The following CCDC148 variants were observed in gnomAD, a reference collection of about 807,000 sequenced individuals.
CCDC148 encodes coiled-coil domain containing 148.
CCDC148 carries 89 observed loss-of-function variants against 85.7 expected under a neutral mutation model. The ratio of observed to expected loss-of-function variants is 1.04; its 90% CI spans 0.87 to 1.24. CCDC148 has a LOEUF of 1.24. Ranked by LOEUF, CCDC148 falls within the 50% of genes most tolerant of loss-of-function variation. The probability of loss-of-function intolerance (pLI) is 0.00; values close to 1 mark genes in which losing one functional copy is unlikely to be tolerated. For missense variants in CCDC148, 692 were observed against 671.7 expected, an observed-to-expected ratio of 1.03 and a Z score of -0.33; for synonymous variants, 230 against 213.9, an observed-to-expected ratio of 1.08 and a Z score of -0.66.
chr2:158,292,898 T>C (rs1362809613), intron 9 of CCDC148, among the ~76,000 whole-genome samples: 1 of 152,172 alleles, frequency 6.6e-6, no homozygotes, highest in Non-Finnish European at 1.5e-5. Context: ...ACAAGATTCC[T>C]CCTATAGCAC....
Position 158,309,524 on chromosome 2 carries a change from AGT to A in CCDC148, c.1017_1018del (p.Leu340HisfsTer2), listed in dbSNP as rs1691868589. On this transcript the variant is annotated frameshift_variant, in exon 9 of 14. Coordinates refer to ENST00000283233, the MANE Select transcript of CCDC148 (RefSeq NM_138803.4). LOFTEE classifies it high-confidence loss of function. The stretch of plus-strand genomic sequence containing the variant: ...TTCATGTGTTGCACAAGCCTCAGTG[AGT>A]GTCAGCACAGCCTTCTGTATAAAGT... 6.2e-7 allele frequency: 1 copy of A among 1,613,924 alleles called. No homozygotes were observed. The highest frequency in any genetic ancestry group is 8.5e-7 in the Non-Finnish European group (1 of 1,179,912).
At chr2:158,298,270 A>G (rs1370719474) in intron 9 of CCDC148, among the ~76,000 whole-genome samples, 1 of 152,158 alleles carries the variant, frequency 6.6e-6, no homozygotes, top group Non-Finnish European at 1.5e-5. Context: ...GTAGGGATAC[A>G]GCCAAACCGT....
intron 10 of CCDC148, among the ~76,000 whole-genome samples, chr2:158,247,419 C>T (rs1424669294): frequency 2.0e-5 from 3 of 152,164 alleles, no homozygotes; most frequent in African/African-American, 7.2e-5. Context: ...CTTCTAGGTA[C>T]ACCCTAGTGA....
intron 11 of CCDC148, among the ~76,000 whole-genome samples, chr2:158,194,323 A>T (rs1278154053): frequency 6.6e-6 from 1 of 152,176 alleles, no homozygotes; most frequent in African/African-American, 2.4e-5. Flanking sequence ...AAGCAATTGT[A>T]ACAAGTTAAT....
intron 9 of CCDC148, among the ~76,000 whole-genome samples, chr2:158,260,132 C>T (rs1207888818): frequency 6.6e-6 from 1 of 151,866 alleles, no homozygotes; most frequent in African/African-American, 2.4e-5. Context: ...AGGGACTTGC[C>T]TTATTCACTA....
chr2:158,293,872 C>G lies in CCDC148; in HGVS notation c.1110+15561G>C, dbSNP rs929254310. On this transcript the variant is annotated intron_variant, in intron 9 of 13. Transcript: ENST00000283233. ...TAGACTGCATTGCTCAGCTTGCAGC[C>G]AGGCATGGCAAGTACAAAGAATGTG... Among the ~76,000 whole-genome samples the G allele has an allele frequency of 2.6e-5, 4 of 151,564 alleles. No homozygotes were observed. In the East Asian group the frequency reaches 5.8e-4, roughly 22 times the overall value.
intron 1 of CCDC148, among the ~76,000 whole-genome samples, chr2:158,377,363 G>A (rs778075064): frequency 6.6e-6 from 1 of 151,672 alleles, no homozygotes. Flanking sequence ...GGCTTTAAAA[G>A]TACCATCAAA....
chr2:158,213,399 T>A (rs1686680538), intron 11 of CCDC148, among the ~76,000 whole-genome samples: 2 of 152,188 alleles, frequency 1.3e-5, no homozygotes, highest in African/African-American at 4.8e-5. Context: ...TTTATTAAAT[T>A]ATAAGAAACA....
At chr2:158,454,924 C>T (rs754098078) in intron 1 of CCDC148, among the ~76,000 whole-genome samples, 7 of 152,110 alleles carry the variant, frequency 4.6e-5, no homozygotes, top group Non-Finnish European at 8.8e-5. Context: ...TTATGACAAA[C>T]ACGAAATCTA....
chr2:158,414,288 A>C (rs1304450594), intron 1 of CCDC148, among the ~76,000 whole-genome samples: 1 of 152,210 alleles, frequency 6.6e-6, no homozygotes, highest in Admixed American at 6.5e-5. Flanking sequence ...AATCTTACCA[A>C]ACCAGAAACA....
chr2:158,325,370 G>A (rs1692721218), intron 7 of CCDC148, among the ~76,000 whole-genome samples: 1 of 152,086 alleles, frequency 6.6e-6, no homozygotes, highest in Non-Finnish European at 1.5e-5. Flanking sequence ...CTCTTCACTT[G>A]CCTTCCAGGA....
intron 7 of CCDC148, among the ~76,000 whole-genome samples, chr2:158,324,217 C>G (rs74936181): frequency 6.6e-6 from 1 of 151,912 alleles, no homozygotes; most frequent in African/African-American, 2.4e-5. Flanking sequence ...GCACCTGGCC[C>G]AGGATAACTA....
At chr2:158,443,899 C>T (rs545361353) in intron 1 of CCDC148, among the ~76,000 whole-genome samples, 92 of 152,284 alleles carry the variant, frequency 6.0e-4, no homozygotes, top group Admixed American at 1.4e-3. Context: ...ATATTAAACA[C>T]AATTTATCAG....
intron 1 of CCDC148, chr2:158,366,060 A>C: frequency 2.6e-6 from 4 of 1,539,978 alleles, no homozygotes; most frequent in Non-Finnish European, 3.5e-6. Flanking sequence ...GGTCTCTTTG[A>C]TTCATGTTTT....
chr2:158,207,916 A>G (rs1264131977), intron 11 of CCDC148, among the ~76,000 whole-genome samples: 3 of 152,060 alleles, frequency 2.0e-5, no homozygotes, highest in Non-Finnish European at 4.4e-5. Flanking sequence ...AATTTGCAGA[A>G]GCAAGGACCA....
chr2:158,334,247 G>A (rs1191860374), intron 7 of CCDC148, among the ~76,000 whole-genome samples: 1 of 152,080 alleles, frequency 6.6e-6, no homozygotes, highest in Non-Finnish European at 1.5e-5. Flanking sequence ...AGAGGTTTCT[G>A]CTCATGTATT....
chr2:158,246,678 A>G (rs13420240), intron 10 of CCDC148, among the ~76,000 whole-genome samples: 12,547 of 152,284 alleles, frequency 0.082, 728 homozygotes, highest in Middle Eastern at 0.15. Context: ...CTACTTAAAA[A>G]TAGCACAAAG....
intron 2 of CCDC148, among the ~76,000 whole-genome samples, chr2:158,349,678 CTAAAT>C (rs1215346779): frequency 6.6e-6 from 1 of 151,904 alleles, no homozygotes; most frequent in Non-Finnish European, 1.5e-5. Flanking sequence ...CTTGCCACCT[CTAAAT>C]TAAATTAGAA....
At chr2:158,229,249 C>T (rs969859033) in intron 10 of CCDC148, among the ~76,000 whole-genome samples, 2 of 152,178 alleles carry the variant, frequency 1.3e-5, no homozygotes, top group African/African-American at 4.8e-5. Flanking sequence ...CTGCCCTACC[C>T]ACTTCCAATC....
Sources: allele counts gnomAD v4.1 joint callset (sites outside exome capture counted in the v4.1 genomes callset), GRCh38; gene constraint gnomAD v4.1.1; transcripts MANE v1.5; gene names NCBI Gene and HGNC (gene_info 2026-07-23, HGNC 2026-07-21).